The following HHIPL1 variants were observed in gnomAD, a reference collection of about 807,000 sequenced individuals.
HHIPL1 encodes the protein HHIP-like protein 1.
A neutral mutation model predicts 61.8 loss-of-function variants in HHIPL1; 43 were observed. The ratio of observed to expected loss-of-function variants is 0.70; its 90% CI spans 0.55 to 0.90. The LOEUF (loss-of-function observed/expected upper bound fraction) is 0.90, where lower values mean the gene tolerates loss of function less well. HHIPL1 is among the 40% of genes least tolerant of loss of function. The probability of loss-of-function intolerance (pLI) is 0.00; values close to 1 mark genes in which losing one functional copy is unlikely to be tolerated. For missense variants in HHIPL1, 1,056 were observed against 1,157.7 expected, an observed-to-expected ratio of 0.91 and a Z score of 1.28; for synonymous variants, 482 against 515.8, an observed-to-expected ratio of 0.93 and a Z score of 0.89.
At chr14:99,662,107 T>C (rs924771607) in intron 5 of HHIPL1, among the ~76,000 whole-genome samples, 5 of 152,134 alleles carry the variant, frequency 3.3e-5, no homozygotes, top group African/African-American at 1.2e-4. Context: ...TGCCAGTATT[T>C]TCCCAGCCGC....
chr14:99,668,713 AC>A lies in HHIPL1; in HGVS notation c.1730+413del. On this transcript the variant is annotated intron_variant, in intron 7 of 8. Transcript: ENST00000330710. The surrounding 1 kb of genome is among the most constrained non-coding windows in gnomAD (Gnocchi z 4.7). ...GCCTCTGTGATGCCTCCCAGATGAC[AC>A]CCTGATCCCTGTGTGTCCCCGCCCC... is the stretch of plus-strand genomic sequence containing the variant. The A allele has an allele frequency of 9.6e-7, 1 of 1,043,398 alleles. No individual in the cohort carries two copies. The highest frequency in any genetic ancestry group is 2.6e-5 in the East Asian group (1 of 37,894). 64.6% of individuals were successfully genotyped at this position (1,043,398 alleles called of 1,614,324 possible). A position where few individuals can be genotyped will look rare whatever the true frequency, so the allele number is the denominator to read the frequency against.
the HHIPL1 span, among the ~76,000 whole-genome samples, chr14:99,613,484 C>T: frequency 6.6e-6 from 1 of 151,856 alleles, no homozygotes; most frequent in African/African-American, 2.4e-5. Context: ...TACCCACATC[C>T]CGCTAGTTTT....
At chr14:99,635,551 T>C in the HHIPL1 span, among the ~76,000 whole-genome samples, 2 of 152,138 alleles carry the variant, frequency 1.3e-5, no homozygotes, top group African/African-American at 2.4e-5. Context: ...GGTTAGACTC[T>C]GGGGTCTCCT....
intron 6 of HHIPL1, among the ~76,000 whole-genome samples, chr14:99,665,755 GT>G (rs1320114047): frequency 6.6e-6 from 1 of 151,896 alleles, no homozygotes; most frequent in Non-Finnish European, 1.5e-5. Flanking sequence ...TTTTTTTGTT[GT>G]TATTGTTGTT....
Position 99,668,091 on chromosome 14 carries a change from G to C in HHIPL1, c.1649-131G>C. ...GGACTGGACAGCTAGACTGAGCTGG[G>C]ATGCCTCACGTGATGGCTAGCTGGG... On this transcript the variant is annotated intron_variant, in intron 6 of 8. Coordinates refer to ENST00000330710, the MANE Select transcript of HHIPL1 (RefSeq NM_001127258.3). This position sits in a 1 kb window ranked among gnomAD's most constrained non-coding sequence, Gnocchi z 4.7. The C allele has an allele frequency of 1.4e-6, 1 of 712,540 alleles. No homozygotes were observed. The highest frequency in any genetic ancestry group is 2.5e-5 in the East Asian group (1 of 40,048). 44.1% of individuals were successfully genotyped at this position (712,540 alleles called of 1,614,324 possible).
Position 99,652,806 on chromosome 14 carries a change from A to G in HHIPL1, c.838A>G (p.Ile280Val). The change falls in exon 2 of 9, where the codon ATC (isoleucine) becomes GTC (valine). Residue 280 changes from isoleucine (I) to valine (V), a missense_variant. Transcript: ENST00000330710. ...AGTGGGTATCCGCAGCAGTGAGTGG[A>G]TCCGCATCAGCGAGTTCAGAGTCTC... is the stretch of plus-strand genomic sequence containing the variant. ...YSVGIRSSEW[I>V]RISEFRVSED... is the part of the protein sequence containing the mutation. 6.2e-7 allele frequency: 1 copy of G among 1,614,090 alleles called. No homozygotes were observed. The highest frequency in any genetic ancestry group is 1.1e-5 in the South Asian group (1 of 91,082).
chr14:99,640,397 A>G (rs1225122088), upstream of HHIPL1, among the ~76,000 whole-genome samples: 1 of 151,748 alleles, frequency 6.6e-6, no homozygotes, highest in East Asian at 1.9e-4. Context: ...CAATCCTCCT[A>G]CCTCAGCCTC....
At chr14:99,673,949 G>C (rs1384589110) in intron 8 of HHIPL1, among the ~76,000 whole-genome samples, 1 of 149,428 alleles carries the variant, frequency 6.7e-6, no homozygotes, top group Non-Finnish European at 1.5e-5. Flanking sequence ...AGGGTGCACC[G>C]AGGGGGGTGG....
At chr14:99,662,794 G>T in intron 5 of HHIPL1, 82 bp from the exon 6 acceptor site, 1 of 1,278,344 alleles carries the variant, frequency 7.8e-7, no homozygotes, top group South Asian at 1.4e-5. Context: ...TACATGGATG[G>T]ATGGATGGAT....
intron 1 of HHIPL1, among the ~76,000 whole-genome samples, chr14:99,646,001 C>A (rs1423845831): frequency 6.6e-6 from 1 of 152,260 alleles, no homozygotes; most frequent in East Asian, 1.9e-4. Context: ...GCCCTTGCCA[C>A]TTCCGCCACC....
chr14:99,658,001 A>G (rs769973156), intron 3 of HHIPL1, among the ~76,000 whole-genome samples: 1 of 152,308 alleles, frequency 6.6e-6, no homozygotes, highest in East Asian at 1.9e-4. Context: ...GAGTGTAAAC[A>G]GGATGTCCAG....
chr14:99,664,544 G>A (rs1330216199), intron 6 of HHIPL1, among the ~76,000 whole-genome samples: 1 of 152,220 alleles, frequency 6.6e-6, no homozygotes, highest in African/African-American at 2.4e-5. Context: ...CCCAGGGACA[G>A]CTCTGGCAGT....
At chr14:99,665,450 T>C (rs1566815083) in intron 6 of HHIPL1, among the ~76,000 whole-genome samples, 1 of 152,186 alleles carries the variant, frequency 6.6e-6, no homozygotes, top group Non-Finnish European at 1.5e-5. Context: ...CTCTTCCTTT[T>C]TTATTTTTGA....
At chr14:99,617,092 T>C in the HHIPL1 span, among the ~76,000 whole-genome samples, 2 of 152,034 alleles carry the variant, frequency 1.3e-5, no homozygotes, top group African/African-American at 4.8e-5. Flanking sequence ...TTACAGACTG[T>C]CAGAGCATTT....
chr14:99,669,953 A>G (rs1445310756), intron 7 of HHIPL1, among the ~76,000 whole-genome samples: 1 of 152,214 alleles, frequency 6.6e-6, no homozygotes, highest in Non-Finnish European at 1.5e-5. Flanking sequence ...GAATAGTTTC[A>G]GATTTACAGA....
intron 1 of HHIPL1, among the ~76,000 whole-genome samples, chr14:99,648,810 T>A (rs11629115): frequency 6.6e-6 from 1 of 151,968 alleles, no homozygotes; most frequent in Non-Finnish European, 1.5e-5. Context: ...AAATATCCGA[T>A]GGACAGGACA....
chr14:99,640,316 G>C (rs1446476170), upstream of HHIPL1, among the ~76,000 whole-genome samples: 1 of 152,202 alleles, frequency 6.6e-6, no homozygotes, highest in South Asian at 2.1e-4. Flanking sequence ...ATAGGGTCTT[G>C]CTCTGTCACC....
the HHIPL1 span, among the ~76,000 whole-genome samples, chr14:99,618,749 G>A: frequency 7.9e-5 from 12 of 152,378 alleles, no homozygotes; most frequent in Admixed American, 3.9e-4. Flanking sequence ...TGCCTAGGCC[G>A]GTGTGGGCAC....
rs1237414743 is a variant in HHIPL1 at position 99,675,361 on chromosome 14, G to T, written c.2084G>T (p.Arg695Leu). The T allele has an allele frequency of 4.0e-5, 60 of 1,491,970 alleles. No individual in the cohort carries two copies. The highest frequency in any genetic ancestry group is 5.3e-5 in the Non-Finnish European group (59 of 1,121,684). The allele number at this position is 1,491,970 out of a possible 1,614,324, so 92.4% of individuals were successfully genotyped here. A position where few individuals can be genotyped will look rare whatever the true frequency, so the allele number is the denominator to read the frequency against. Residue 695 changes from arginine to leucine, a missense_variant, in exon 9 of 9, where the codon CGC (arginine) becomes CTC (leucine). Transcript: ENST00000330710. This position sits in a 1 kb window ranked among gnomAD's most constrained non-coding sequence, Gnocchi z 5.4. The part of the protein sequence containing the change: ...SGRVEVFVGG[R>L]WGTVCDDSWN... ...CGCGTGGAGGTGTTCGTGGGCGGAC[G>T]CTGGGGCACCGTGTGCGACGACTCC...
Sources: allele counts gnomAD v4.1 joint callset (sites outside exome capture counted in the v4.1 genomes callset), GRCh38; gene constraint gnomAD v4.1.1; non-coding constraint Gnocchi (gnomAD v3.1); transcripts MANE v1.5; gene names NCBI Gene and HGNC (gene_info 2026-07-23, HGNC 2026-07-21).